Variants in KANTR observed in about 807,000 individuals in gnomAD.
KANTR encodes KANTR integral membrane protein.
Position 53,101,981 on chromosome X carries a change from C to G in KANTR, c.-805+2373C>G, listed in dbSNP as rs781960219. Among the ~76,000 whole-genome samples, 4 of 100,127 alleles carry G rather than the reference C, an allele frequency of 4.0e-5. No homozygotes were observed. The Admixed American group carries it at 4.5e-4, about 11-fold the overall frequency. The allele number at this position is 100,127 out of a possible 115,157, so 86.9% of individuals were successfully genotyped here. On this transcript the variant is annotated intron_variant, in intron 2 of 2. Transcript: ENST00000604062. ...CGCCACTGCACTCTAGCCTGGGTGA[C>G]AGGAGTGAAACCCTGTCTCAAAAAA...
chrX:53,118,760 CAAA>C (rs34089615), intron 2 of KANTR, among the ~76,000 whole-genome samples: 10 of 88,290 alleles, frequency 1.1e-4, no homozygotes, highest in African/African-American at 8.4e-5. Flanking sequence ...GACTCTGTCT[CAAA>C]AAAAAAAAAA....
At chrX:53,143,190 C>T (rs1460704456), downstream of KANTR, 9 of 762,842 alleles carry the variant, frequency 1.2e-5, no homozygotes, top group East Asian at 2.3e-4. Flanking sequence ...CCTGACCTGG[C>T]CATCAGGCAG....
At chrX:53,140,286 C>T (rs1556818291) in intron 2 of KANTR, among the ~76,000 whole-genome samples, 1 of 111,497 alleles carries the variant, frequency 9.0e-6, no homozygotes, top group Non-Finnish European at 1.9e-5. Context: ...CACCTGAGGT[C>T]ACTCAGGAGT....
chrX:53,118,552 G>T (rs1239073246), intron 2 of KANTR, among the ~76,000 whole-genome samples: 3 of 110,733 alleles, frequency 2.7e-5, no homozygotes, highest in Non-Finnish European at 5.7e-5. Flanking sequence ...CTTGAGCCCA[G>T]GAGTTCGAGA....
chrX:53,144,704 C>T (rs1475527701), downstream of KANTR, among the ~76,000 whole-genome samples: 2 of 110,701 alleles, frequency 1.8e-5, no homozygotes, highest in African/African-American at 6.6e-5. Context: ...GTAGGGAATA[C>T]TTTGTGAATT....
At chrX:53,101,344 G>A (rs1048895750) in intron 2 of KANTR, among the ~76,000 whole-genome samples, 10 of 112,142 alleles carry the variant, frequency 8.9e-5, no homozygotes, top group South Asian at 7.3e-4. Context: ...AATGGCCCAC[G>A]ACTGTAATCC....
chrX:53,133,971 T>C (rs1556817322), intron 2 of KANTR, among the ~76,000 whole-genome samples: 1 of 111,767 alleles, frequency 8.9e-6, no homozygotes, highest in Non-Finnish European at 1.9e-5. Context: ...TTCACCTAAT[T>C]GTAGCAATAC....
intron 2 of KANTR, chrX:53,113,324 C>CA (rs782346690): frequency 0.26 from 15,447 of 60,532 alleles, 923 homozygotes; most frequent in Non-Finnish European, 0.39. Flanking sequence ...AAAACACACA[C>CA]ACAAAAAAAA....
downstream of KANTR, among the ~76,000 whole-genome samples, chrX:53,131,605 A>G (rs1933361878): frequency 8.9e-6 from 1 of 112,147 alleles, no homozygotes; most frequent in Non-Finnish European, 1.9e-5. Context: ...TTGGCAAACT[A>G]GAAGTAGAAG....
chrX:53,131,783 C>G (rs901149102), downstream of KANTR, among the ~76,000 whole-genome samples: 2 of 111,568 alleles, frequency 1.8e-5, no homozygotes, highest in South Asian at 3.8e-4. Flanking sequence ...GCAGTGCAGT[C>G]AGGCAAGAAA....
At chrX:53,104,334 C>T (rs1265551857) in intron 2 of KANTR, among the ~76,000 whole-genome samples, 1 of 110,288 alleles carries the variant, frequency 9.1e-6, no homozygotes, top group Non-Finnish European at 1.9e-5. Context: ...TCAAGTGATT[C>T]TCCTGCCTCA....
At chrX:53,120,209 A>G (rs1415805485) in intron 2 of KANTR, among the ~76,000 whole-genome samples, 1 of 109,656 alleles carries the variant, frequency 9.1e-6, no homozygotes, top group Non-Finnish European at 1.9e-5. Context: ...TAATGTTGGT[A>G]TTTTTTTGTA....
chrX:53,110,833 G>T (rs1168877535), intron 2 of KANTR, among the ~76,000 whole-genome samples: 1 of 107,964 alleles, frequency 9.3e-6, no homozygotes, highest in Admixed American at 9.9e-5. Context: ...TGAGGCAGGA[G>T]AATTGCTTGA....
At chrX:53,143,386 A>G, downstream of KANTR, 2 of 744,891 alleles carry the variant, frequency 2.7e-6, no homozygotes, top group East Asian at 6.8e-5. Context: ...GTCCAGACGC[A>G]GGATGGCGTG....
chrX:53,099,394 G>C (rs1556811454), intron 1 of KANTR, 78 bp from the exon 2 acceptor site: 1 of 111,322 alleles, frequency 9.0e-6, no homozygotes, highest in Admixed American at 9.6e-5. Context: ...GTTTGATCAT[G>C]AGATGGCAGC....
chrX:53,107,458 TA>T (rs1309512890), intron 2 of KANTR, among the ~76,000 whole-genome samples: 42 of 101,599 alleles, frequency 4.1e-4, no homozygotes, highest in African/African-American at 8.5e-4. Flanking sequence ...TCAATTTCTT[TA>T]AAAAAAAAAA....
chrX:53,109,834 A>C (rs1933005868), intron 2 of KANTR, among the ~76,000 whole-genome samples: 1 of 101,414 alleles, frequency 9.9e-6, no homozygotes. Context: ...AGCTCACTGC[A>C]CCCCCGTCTC....
chrX:53,124,734 T>A (rs1422236951), exon 3 of KANTR: 1 of 222,627 alleles, frequency 4.5e-6, no homozygotes, highest in East Asian at 6.6e-5. Flanking sequence ...TAAAATTTTA[T>A]CTCTTTGTTA....
intron 2 of KANTR, among the ~76,000 whole-genome samples, chrX:53,102,159 A>G (rs1932900427): frequency 8.9e-6 from 1 of 112,599 alleles, no homozygotes; most frequent in Admixed American, 9.4e-5. Context: ...CAACTTTGCC[A>G]CAAACCTTCA....
Sources: gnomAD v4.1 joint callset for allele counts (sites outside exome capture counted in the v4.1 genomes callset) on GRCh38, gnomAD v4.1.1 for gene constraint, MANE v1.5 for transcripts, NCBI Gene and HGNC (gene_info 2026-07-23, HGNC 2026-07-21) for gene names.